Variants in HCN1 observed in about 807,000 individuals in gnomAD.
The protein encoded by HCN1 is hyperpolarization activated cyclic nucleotide gated potassium channel 1.
Under a neutral mutation model 78.9 loss-of-function variants are expected in HCN1, and 13 were observed. That is an observed-to-expected ratio of 0.16 (90% CI 0.11 to 0.26). HCN1 has a LOEUF of 0.26. HCN1 is among the 10% of genes least tolerant of loss of function. The pLI is 1.00. For missense variants in HCN1, 810 were observed against 1,154.3 expected, an observed-to-expected ratio of 0.70 and a Z score of 4.32; for synonymous variants, 552 against 455.5, an observed-to-expected ratio of 1.21 and a Z score of -2.70.
intron 6 of HCN1, among the ~76,000 whole-genome samples, chr5:45,291,660 C>G (rs931807428): frequency 2.6e-5 from 4 of 151,854 alleles, no homozygotes; most frequent in African/African-American, 7.2e-5. Context: ...CCACTTCAGG[C>G]CCCCCAAGTA....
At chr5:45,464,845 A>G (rs1741235687) in intron 2 of HCN1, among the ~76,000 whole-genome samples, 2 of 152,106 alleles carry the variant, frequency 1.3e-5, no homozygotes, top group African/African-American at 4.8e-5. Context: ...TGAGAAGGCT[A>G]CTTCCTTACG....
intron 1 of HCN1, among the ~76,000 whole-genome samples, chr5:45,661,094 A>G (rs1385481654): frequency 4.7e-5 from 7 of 148,192 alleles, no homozygotes; most frequent in African/African-American, 1.8e-4. Context: ...CAGAAATTAT[A>G]ACAAACTGTC....
rs1424166858 is a variant in HCN1, at chr5:45,372,199, AAT to A, written c.1231-18955_1231-18954del. On this transcript the variant is annotated intron_variant, in intron 4 of 7. Transcript: ENST00000303230. Reference sequence around the variant, plus strand: ...TATTATAATATAATACAATTAATATAATACATATTATATAATATAATATATAT... The same window carrying A: ...TATTATAATATAATACAATTAATATAACATATTATATAATATAATATATAT... Among the ~76,000 whole-genome samples, 285 of 62,694 alleles carry A rather than the reference AAT, an allele frequency of 4.5e-3. 1 individual carries two copies. The highest frequency in any genetic ancestry group is 0.025 in the African/African-American group (279 of 11,136). 41.1% of individuals were successfully genotyped at this position (62,694 alleles called of 152,430 possible). A position where few individuals can be genotyped will look rare whatever the true frequency, so the allele number is the denominator to read the frequency against.
intron 2 of HCN1, among the ~76,000 whole-genome samples, chr5:45,506,387 C>A (rs1742301513): frequency 6.6e-6 from 1 of 152,004 alleles, no homozygotes; most frequent in Non-Finnish European, 1.5e-5. Flanking sequence ...AAATAAAATC[C>A]ACCTCAAATT....
intron 2 of HCN1, among the ~76,000 whole-genome samples, chr5:45,542,493 TA>T (rs916189778): frequency 6.5e-4 from 95 of 146,462 alleles, no homozygotes; most frequent in Middle Eastern, 3.5e-3. Context: ...AAAGAAAAGT[TA>T]AAAAAAAAAA....
chr5:45,505,414 A>ATG (rs1346731944), intron 2 of HCN1, among the ~76,000 whole-genome samples: 1 of 151,976 alleles, frequency 6.6e-6, no homozygotes, highest in Non-Finnish European at 1.5e-5. Context: ...ATGGTTGTAG[A>ATG]TGTGTGGTAT....
intron 3 of HCN1, among the ~76,000 whole-genome samples, chr5:45,455,970 T>G (rs536434869): frequency 9.1e-4 from 138 of 152,038 alleles, no homozygotes; most frequent in Middle Eastern, 3.4e-3. Flanking sequence ...TTGTTTCAAA[T>G]AAAAGTAAAA....
chr5:45,411,576 T>C (rs115441795), intron 3 of HCN1, among the ~76,000 whole-genome samples: 37,826 of 151,802 alleles, frequency 0.25, 4,887 homozygotes, highest in East Asian at 0.32. Flanking sequence ...TTCTAGCTAT[T>C]TTTTATGGCA....
At chr5:45,601,255 A>G (rs556038610) in intron 2 of HCN1, among the ~76,000 whole-genome samples, 2 of 152,134 alleles carry the variant, frequency 1.3e-5, no homozygotes, top group Non-Finnish European at 2.9e-5. Flanking sequence ...AACAAAAAAA[A>G]TCTAATGAAG....
intron 5 of HCN1, among the ~76,000 whole-genome samples, chr5:45,340,892 G>A (rs1259716735): frequency 1.3e-5 from 2 of 152,132 alleles, no homozygotes; most frequent in Admixed American, 6.5e-5. Flanking sequence ...TCCAATTCAT[G>A]CTGAAGCTTG....
At chr5:45,533,186 G>C (rs1390218507) in intron 2 of HCN1, among the ~76,000 whole-genome samples, 2 of 152,122 alleles carry the variant, frequency 1.3e-5, no homozygotes, top group African/African-American at 4.8e-5. Context: ...TTTCTGAAAA[G>C]CTTTTTACTT....
intron 2 of HCN1, among the ~76,000 whole-genome samples, chr5:45,539,960 A>ATATATAT (rs1743064622): frequency 4.7e-4 from 58 of 123,988 alleles, no homozygotes; most frequent in African/African-American, 1.6e-3. Context: ...ATATATATAT[A>ATATATAT]AAATGTTTAT....
chr5:45,555,987 G>T (rs1401338906), intron 2 of HCN1, among the ~76,000 whole-genome samples: 1 of 151,890 alleles, frequency 6.6e-6, no homozygotes, highest in Non-Finnish European at 1.5e-5. Flanking sequence ...AATGGTGCTG[G>T]GAAAATTGGA....
At chr5:45,636,395 T>C (rs1745357064) in intron 2 of HCN1, among the ~76,000 whole-genome samples, 1 of 152,154 alleles carries the variant, frequency 6.6e-6, no homozygotes, top group Non-Finnish European at 1.5e-5. Context: ...AAAATAGCAG[T>C]AGCCATAATA....
chr5:45,613,279 T>A (rs957811849), intron 2 of HCN1, among the ~76,000 whole-genome samples: 1 of 151,680 alleles, frequency 6.6e-6, no homozygotes, highest in Non-Finnish European at 1.5e-5. Flanking sequence ...CTTGTGATAG[T>A]TTACTGAGAA....
intron 1 of HCN1, among the ~76,000 whole-genome samples, chr5:45,691,612 G>T (rs1739914831): frequency 6.6e-6 from 1 of 152,134 alleles, no homozygotes; most frequent in Non-Finnish European, 1.5e-5. Flanking sequence ...TGGCTATGTT[G>T]ATATGAAAAG....
At chr5:45,603,995 A>C (rs1475984922) in intron 2 of HCN1, among the ~76,000 whole-genome samples, 1 of 152,128 alleles carries the variant, frequency 6.6e-6, no homozygotes, top group Non-Finnish European at 1.5e-5. Flanking sequence ...TCATGAGTAG[A>C]TAATATAACA....
chr5:45,600,042 C>T (rs1377677751), intron 2 of HCN1, among the ~76,000 whole-genome samples: 1 of 152,044 alleles, frequency 6.6e-6, no homozygotes, highest in East Asian at 1.9e-4. Flanking sequence ...AAAGCACTAT[C>T]AAGCTAGCAA....
rs192341801 is a variant in HCN1 at position 45,282,518 on chromosome 5, T to C, written c.1619-15265A>G. Among the ~76,000 whole-genome samples, 5 of 152,342 alleles carry C rather than the reference T, an allele frequency of 3.3e-5. No homozygotes were observed. The East Asian group carries it at 9.6e-4, about 29-fold the overall frequency. On this transcript the variant is annotated intron_variant, in intron 6 of 7. Coordinates refer to ENST00000303230, the MANE Select transcript of HCN1 (RefSeq NM_021072.4). Reference sequence around the variant, plus strand: ...AGGTAAAGACAATTCTTCCCCAAACTTGAATTAGTATCTCATGACCATTCA... The same window carrying C: ...AGGTAAAGACAATTCTTCCCCAAACCTGAATTAGTATCTCATGACCATTCA...
Sources: allele counts gnomAD v4.1 joint callset (sites outside exome capture counted in the v4.1 genomes callset), GRCh38; gene constraint gnomAD v4.1.1; transcripts MANE v1.5; gene names NCBI Gene and HGNC (gene_info 2026-07-23, HGNC 2026-07-21).